Variants in ITGA4 observed in about 807,000 individuals in gnomAD.
ITGA4 encodes integrin subunit alpha 4.
In ITGA4, 63 loss-of-function variants were observed where a neutral mutation model predicts 133.6. The ratio of observed to expected loss-of-function variants is 0.47; its 90% CI spans 0.38 to 0.58. The LOEUF is 0.58. ITGA4 is among the 20% of genes least tolerant of loss of function. ITGA4 has a pLI of 0.00. For missense variants in ITGA4, 1,076 were observed against 1,252.7 expected, an observed-to-expected ratio of 0.86 and a Z score of 2.13; for synonymous variants, 483 against 438.0, an observed-to-expected ratio of 1.10 and a Z score of -1.28.
intron 14 of ITGA4, among the ~76,000 whole-genome samples, chr2:181,497,411 A>AT (rs1253723538): frequency 1.3e-5 from 2 of 152,022 alleles, no homozygotes; most frequent in South Asian, 2.1e-4. Flanking sequence ...CTAATAGTGG[A>AT]TTTTTTTTCA....
chr2:181,536,502 CTA>C lies in ITGA4; in HGVS notation c.*977_*978del, dbSNP rs1491556406. On this transcript the variant is annotated 3_prime_UTR_variant, in exon 28 of 28. Transcript: ENST00000397033. ...TATTATGTACTATGTAAAATATTGA[CTA>C]TCACACAACTATTTCCTTGGATGTA... 6.6e-6 allele frequency among the ~76,000 whole-genome samples: 1 copy of C among 151,890 alleles called. No individual in the cohort carries two copies. Among genetic ancestry groups the C allele is most frequent in the East Asian group, 1.9e-4 (1 of 5,192 alleles).
At chr2:181,502,250 A>G (rs574255105) in intron 15 of ITGA4, among the ~76,000 whole-genome samples, 2 of 152,228 alleles carry the variant, frequency 1.3e-5, no homozygotes, top group South Asian at 4.1e-4. Context: ...GGGGAAGGAA[A>G]GGAATTGGAA....
chr2:181,510,791 G>C (rs1169966195), intron 16 of ITGA4, among the ~76,000 whole-genome samples: 1 of 151,930 alleles, frequency 6.6e-6, no homozygotes, highest in Non-Finnish European at 1.5e-5. Context: ...TCAACTATTT[G>C]TAAATGTCTT....
intron 2 of ITGA4, among the ~76,000 whole-genome samples, chr2:181,467,523 C>T (rs1282420232): frequency 6.6e-6 from 1 of 152,124 alleles, no homozygotes; most frequent in Non-Finnish European, 1.5e-5. Flanking sequence ...TGACCTTTTC[C>T]CTGGTCCTTC....
intron 2 of ITGA4, among the ~76,000 whole-genome samples, chr2:181,460,375 C>T (rs778783804): frequency 1.3e-5 from 2 of 152,114 alleles, no homozygotes; most frequent in African/African-American, 4.8e-5. Flanking sequence ...CCTCTCTATT[C>T]AGAATAAATT....
At chr2:181,525,407 A>AATAATACTCTTTTAATAATAC (rs1270860967) in intron 21 of ITGA4, 116 bp downstream of exon 21, 271 of 579,334 alleles carry the variant, frequency 4.7e-4, no homozygotes, top group Non-Finnish European at 3.7e-5. Context: ...AGGATACTCT[A>AATAATACTCTTTTAATAATAC]TCTTTTAATA....
chr2:181,536,124 CCAAACTGG>C lies in ITGA4; in HGVS notation c.*604_*611del, dbSNP rs1483035149. Reference sequence around the variant, plus strand: ...ACTATGAATATTATAGTATTATAGGCCAAACTGGCAAACTTCAGACTGAACATGTACAC... The same window carrying C: ...ACTATGAATATTATAGTATTATAGGCCAAACTTCAGACTGAACATGTACAC... On this transcript the variant is annotated 3_prime_UTR_variant, in exon 28 of 28. Transcript: ENST00000397033. 6.6e-6 allele frequency: 1 copy of C among 151,752 alleles called. No individual in the cohort carries two copies. The allele number at this position is 151,752 out of a possible 1,614,324, so 9.4% of individuals were successfully genotyped here.
Position 181,525,886 on chromosome 2 carries a change from T to C in ITGA4, c.2339+595T>C, listed in dbSNP as rs535460406. On this transcript the variant is annotated intron_variant, in intron 21 of 27. Coordinates refer to ENST00000397033, the MANE Select transcript of ITGA4 (RefSeq NM_000885.6). ...AAGAAGGAGATGTGTGGAGAAAGAA[T>C]AAAAGGGGGCTTACGGAAACCTTCA... is the stretch of plus-strand genomic sequence containing the variant. 4.6e-5 allele frequency among the ~76,000 whole-genome samples: 7 copies of C among 152,290 alleles called. No individual in the cohort carries two copies. In the East Asian group the frequency reaches 1.2e-3, roughly 25 times the overall value.
At position 181,457,837 on chromosome 2, in the gene ITGA4, C is replaced by T. The variant is rs200018098; in HGVS notation, c.183C>T (p.His61=). Residue 61 remains histidine (H), a synonymous_variant, in exon 1 of 28, where the codon CAC becomes CAT. Coordinates refer to ENST00000397033, the MANE Select transcript of ITGA4 (RefSeq NM_000885.6). ...LFGYSVVLHS[H]GANRWLLVGA... ...GCTACTCGGTCGTGCTGCACAGCCA[C>T]GGGGCGAACCGATGGTGAGTAGAGT... 683 of 1,612,156 alleles carry T rather than the reference C, an allele frequency of 4.2e-4. 2 individuals are homozygous for T. In the African/African-American group the frequency reaches 7.3e-3, roughly 17 times the overall value.
intron 22 of ITGA4, 70 bp from the exon 23 acceptor site, chr2:181,529,471 G>C: frequency 1.3e-6 from 1 of 748,542 alleles, no homozygotes. Context: ...TCACCTAAAA[G>C]CTCACTGATA....
Position 181,495,540 on chromosome 2 carries a change from T to A in ITGA4, c.1385+124T>A. On this transcript the variant is annotated intron_variant, in intron 13 of 27. Coordinates refer to ENST00000397033, the MANE Select transcript of ITGA4 (RefSeq NM_000885.6). This position sits in a 1 kb window ranked among gnomAD's most constrained non-coding sequence, Gnocchi z 4.3. ...GCTCTTTTGGTATTCTGAAGCTTAA[T>A]TATTGATTTTTAGGGTATTTTTTTC... is the stretch of plus-strand genomic sequence containing the variant. 1.3e-6 allele frequency: 1 copy of A among 780,290 alleles called. No homozygotes were observed. Among genetic ancestry groups the A allele is most frequent in the Non-Finnish European group, 2.2e-6 (1 of 459,574 alleles). The allele number at this position is 780,290 out of a possible 1,614,324, so 48.3% of individuals were successfully genotyped here. A position where few individuals can be genotyped will look rare whatever the true frequency, so the allele number is the denominator to read the frequency against.
intron 2 of ITGA4, among the ~76,000 whole-genome samples, chr2:181,474,564 A>G (rs1685631307): frequency 6.6e-6 from 1 of 152,246 alleles, no homozygotes; most frequent in Non-Finnish European, 1.5e-5. Context: ...ATCTCAGTAG[A>G]AGAAACATTT....
At chr2:181,474,491 TTCCAGC>T (rs1430552372) in intron 2 of ITGA4, among the ~76,000 whole-genome samples, 4 of 152,238 alleles carry the variant, frequency 2.6e-5, no homozygotes, top group African/African-American at 9.6e-5. Context: ...AATCATCACC[TTCCAGC>T]TCCAATAAAT....
At position 181,537,298 on chromosome 2, in the gene ITGA4, G is replaced by A. The variant is rs1369048918; in HGVS notation, c.*1771G>A. The A allele has an allele frequency of 2.2e-6, 1 of 453,702 alleles. No homozygotes were observed. Among genetic ancestry groups the A allele is most frequent in the Non-Finnish European group, 4.4e-6 (1 of 226,556 alleles). 28.1% of individuals were successfully genotyped at this position (453,702 alleles called of 1,614,324 possible). ...TACTCAGAAACAACTATATATTTCAGGTTATCTGAGCACAGTGAAAGCAGA... is the reference window on the plus strand; with the variant it reads ...TACTCAGAAACAACTATATATTTCAAGTTATCTGAGCACAGTGAAAGCAGA... On this transcript the variant is annotated 3_prime_UTR_variant, in exon 28 of 28. Transcript: ENST00000397033.
chr2:181,502,379 A>T (rs1291712616), intron 15 of ITGA4, among the ~76,000 whole-genome samples: 1 of 152,136 alleles, frequency 6.6e-6, no homozygotes, highest in Admixed American at 6.6e-5. Context: ...TTAAGACAGG[A>T]GAAGTATTAG....
Position 181,523,513 on chromosome 2 carries a change from A to G in ITGA4, c.2150A>G (p.Tyr717Cys). 1.3e-6 allele frequency: 2 copies of G among 1,582,474 alleles called. No homozygotes were observed. Among genetic ancestry groups the G allele is most frequent in the East Asian group, 2.2e-5 (1 of 44,624 alleles). The change falls in exon 19 of 28, where the codon TAT becomes TGT. Residue 717 changes from tyrosine to cysteine, a missense_variant. Transcript: ENST00000397033. The surrounding 1 kb of genome is among the most constrained non-coding windows in gnomAD (Gnocchi z 4.2). Reference sequence around the variant, plus strand: ...CTTGACTGCAGTATTGGCTATATATATGTAGATCATCTCTCAAGGGTAAGT... The same window carrying G: ...CTTGACTGCAGTATTGGCTATATATGTGTAGATCATCTCTCAAGGGTAAGT... Reference protein sequence around the residue: ...VQLDCSIGYIYVDHLSRIDIS... With the variant: ...VQLDCSIGYICVDHLSRIDIS...
At chr2:181,482,674 G>A in intron 9 of ITGA4, 23 bp downstream of exon 9, 2 of 1,607,834 alleles carry the variant, frequency 1.2e-6, no homozygotes, top group Non-Finnish European at 1.7e-6. Context: ...GCCCCAACTG[G>A]AAGCCATTTA....
chr2:181,531,585 C>G (rs1397047214), intron 24 of ITGA4, 72 bp from the exon 25 acceptor site: 39 of 780,058 alleles, frequency 5.0e-5, no homozygotes, highest in Non-Finnish European at 7.0e-5. Flanking sequence ...ATATTAAATT[C>G]TATATAAAAT....
rs1193774079 is a variant in ITGA4 at position 181,525,346 on chromosome 2, G to T, written c.2339+55G>T. 32 of 915,434 alleles carry T rather than the reference G, an allele frequency of 3.5e-5. 1 individual carries two copies. The South Asian group carries it at 4.7e-4, about 13-fold the overall frequency. 56.7% of individuals were successfully genotyped at this position (915,434 alleles called of 1,614,324 possible). On this transcript the variant is annotated intron_variant, in intron 21 of 27. Transcript: ENST00000397033. ...TTTAGAGCTGATTTACAGTTTCCTT[G>T]CTTCTTACATTAATGAAAAAACTGT... is the stretch of plus-strand genomic sequence containing the variant.
Sources: allele counts gnomAD v4.1 joint callset (sites outside exome capture counted in the v4.1 genomes callset), GRCh38; gene constraint gnomAD v4.1.1; non-coding constraint Gnocchi (gnomAD v3.1); transcripts MANE v1.5; gene names NCBI Gene and HGNC (gene_info 2026-07-23, HGNC 2026-07-21).